LMO1: variants seen among roughly 807,000 people sequenced by gnomAD.
LMO1 encodes LIM domain only 1, also known as rhombotin-1.
A neutral mutation model predicts 18.0 loss-of-function variants in LMO1; 10 were observed. The ratio of observed to expected loss-of-function variants is 0.55; its 90% CI spans 0.34 to 0.94. The LOEUF is 0.94. Ranked by LOEUF, LMO1 falls within the 40% of genes least tolerant of loss-of-function variation. The pLI is 0.02. For missense variants in LMO1, 183 were observed against 205.7 expected, an observed-to-expected ratio of 0.89 and a Z score of 0.68; for synonymous variants, 77 against 77.9, an observed-to-expected ratio of 0.99 and a Z score of 0.06.
chr11:8,226,440 G>C (rs1486615685), intron 3 of LMO1, among the ~76,000 whole-genome samples: 1 of 152,190 alleles, frequency 6.6e-6, no homozygotes, highest in Non-Finnish European at 1.5e-5. Flanking sequence ...TTGAACCCGG[G>C]AGGCAGAGGT....
upstream of LMO1, among the ~76,000 whole-genome samples, chr11:8,266,061 G>A (rs76908551): frequency 0.01 from 1,540 of 152,298 alleles, 17 homozygotes; most frequent in African/African-American, 0.033. Flanking sequence ...CAAACCCAGG[G>A]ACTGGAGCAG....
intron 1 of LMO1, among the ~76,000 whole-genome samples, chr11:8,241,801 CA>C (rs935544342): frequency 6.9e-5 from 10 of 144,278 alleles, no homozygotes; most frequent in African/African-American, 1.6e-4. Flanking sequence ...AAAAAAAAAA[CA>C]AAAAAAAGTC....
chr11:8,230,346 C>T lies in LMO1; in HGVS notation c.184G>A (p.Gly62Ser). Reference protein sequence around the residue: ...ACCDCRLGEVGSTLYTKANLI... With the variant: ...ACCDCRLGEVSSTLYTKANLI... ...TTGGCCTTGGTGTAGAGGGTGGAGC[C>T]CACCTCGCCCAGGCGGCAGTCACAG... The change falls in exon 2 of 4, where the codon GGC (glycine) becomes AGC (serine). Residue 62 changes from glycine (G) to serine (S), a missense_variant. Transcript: ENST00000335790. The T allele has an allele frequency of 6.2e-7, 1 of 1,614,014 alleles. No individual in the cohort carries two copies. Among genetic ancestry groups the T allele is most frequent in the Non-Finnish European group, 8.5e-7 (1 of 1,179,962 alleles).
chr11:8,267,003 C>T (rs1444135837), upstream of LMO1, among the ~76,000 whole-genome samples: 2 of 152,218 alleles, frequency 1.3e-5, no homozygotes, highest in Admixed American at 1.3e-4. Flanking sequence ...TTCCCTTCCC[C>T]CTGCTTACAC....
At chr11:8,235,640 T>C (rs1590534272) in intron 1 of LMO1, among the ~76,000 whole-genome samples, 2 of 152,190 alleles carry the variant, frequency 1.3e-5, no homozygotes, top group East Asian at 3.8e-4. Flanking sequence ...TTCCTAAACG[T>C]TTCTTTTGTG....
intron 2 of LMO1, among the ~76,000 whole-genome samples, chr11:8,228,175 C>T (rs1221363625): frequency 1.1e-4 from 17 of 152,230 alleles, no homozygotes; most frequent in Admixed American, 9.8e-4. Context: ...GAGGCAGGCA[C>T]CCCTCCTCTT....
chr11:8,241,835 A>G (rs772703248), intron 1 of LMO1, among the ~76,000 whole-genome samples: 20 of 152,076 alleles, frequency 1.3e-4, no homozygotes, highest in African/African-American at 4.3e-4. Flanking sequence ...TACTCTCATA[A>G]GAACAAAAGC....
intron 1 of LMO1, among the ~76,000 whole-genome samples, chr11:8,232,782 C>G (rs1432630147): frequency 6.6e-6 from 1 of 152,136 alleles, no homozygotes; most frequent in African/African-American, 2.4e-5. Context: ...CAGGGGAGAC[C>G]CTAGCCCACT....
chr11:8,234,962 A>T (rs1590533334), intron 1 of LMO1, among the ~76,000 whole-genome samples: 3 of 152,152 alleles, frequency 2.0e-5, no homozygotes, highest in African/African-American at 7.2e-5. Context: ...TGCTCCAAGG[A>T]GCTGGGGGGC....
intron 1 of LMO1, among the ~76,000 whole-genome samples, chr11:8,254,689 C>A (rs144010630): frequency 6.6e-6 from 1 of 152,196 alleles, no homozygotes; most frequent in Non-Finnish European, 1.5e-5. Context: ...CTGCCCACAG[C>A]AACCTTCCTC....
intron 1 of LMO1, among the ~76,000 whole-genome samples, chr11:8,243,509 C>T (rs1445886070): frequency 1.3e-5 from 2 of 152,152 alleles, no homozygotes; most frequent in Admixed American, 6.5e-5. Context: ...TGGTCTGAAG[C>T]TCCCAAGTGC....
At chr11:8,224,749 C>G in intron 3 of LMO1, 28 bp from the exon 4 acceptor site, 3 of 1,492,956 alleles carry the variant, frequency 2.0e-6, no homozygotes, top group Non-Finnish European at 2.8e-6. Context: ...GAGAGAGAAG[C>G]CATGGGAAGG....
chr11:8,255,293 C>T (rs7111233), intron 1 of LMO1, among the ~76,000 whole-genome samples: 29,420 of 152,062 alleles, frequency 0.19, 3,183 homozygotes, highest in African/African-American at 0.3. Context: ...GATCGCTTGA[C>T]CCCAGGAGTT....
upstream of LMO1, among the ~76,000 whole-genome samples, chr11:8,265,563 A>C (rs1038854880): frequency 5.9e-5 from 9 of 152,174 alleles, no homozygotes; most frequent in Non-Finnish European, 1.0e-4. Flanking sequence ...ATAGTCCTTG[A>C]GTATATTTGA....
At chr11:8,255,358 T>C (rs1847073057) in intron 1 of LMO1, among the ~76,000 whole-genome samples, 1 of 152,004 alleles carries the variant, frequency 6.6e-6, no homozygotes, top group Admixed American at 6.6e-5. Context: ...AATACGAAAA[T>C]TAGCTAGGCA....
chr11:8,253,131 AC>A (rs1847032836), intron 1 of LMO1, among the ~76,000 whole-genome samples: 1 of 152,124 alleles, frequency 6.6e-6, no homozygotes, highest in Non-Finnish European at 1.5e-5. Context: ...CAACTGCCCT[AC>A]CCAGGCCCCC....
chr11:8,234,058 C>G (rs1952718692), intron 1 of LMO1, among the ~76,000 whole-genome samples: 1 of 152,190 alleles, frequency 6.6e-6, no homozygotes, highest in African/African-American at 2.4e-5. Flanking sequence ...ATGCGCTGGG[C>G]CCAGCAGAAT....
chr11:8,263,995 T>C (rs2134593823), upstream of LMO1: 3 of 384,614 alleles, frequency 7.8e-6, no homozygotes, highest in Non-Finnish European at 7.4e-6. Flanking sequence ...ACCTGGAGGC[T>C]TCTAGGTCCT....
chr11:8,268,374 C>G, upstream of LMO1: 3 of 1,442,436 alleles, frequency 2.1e-6, no homozygotes, highest in South Asian at 3.9e-5. Flanking sequence ...CCGCAGTCTC[C>G]GCCCCACGTC....
Sources: gnomAD v4.1 joint callset for allele counts (sites outside exome capture counted in the v4.1 genomes callset) on GRCh38, gnomAD v4.1.1 for gene constraint, MANE v1.5 for transcripts, NCBI Gene and HGNC (gene_info 2026-07-23, HGNC 2026-07-21) for gene names.